The following ARL6IP6 variants were observed in gnomAD, a reference collection of about 807,000 sequenced individuals.
ARL6IP6 encodes ARF like GTPase 6 interacting protein 6.
A neutral mutation model predicts 21.5 loss-of-function variants in ARL6IP6; 22 were observed. That is an observed-to-expected ratio of 1.02 (90% CI 0.73 to 1.46). ARL6IP6 has a LOEUF of 1.46. ARL6IP6 is among the 40% of genes most tolerant of loss of function. ARL6IP6 has a pLI of 0.00. For missense variants in ARL6IP6, 388 were observed against 299.8 expected (o/e 1.29, Z -2.17); for synonymous variants, 164 against 125.3 (o/e 1.31, Z -2.06).
At chr2:152,734,527 G>A (rs1169689514) in intron 2 of ARL6IP6, among the ~76,000 whole-genome samples, 1 of 152,226 alleles carries the variant, frequency 6.6e-6, no homozygotes, top group South Asian at 2.1e-4. Context: ...GTTTCACTCT[G>A]TCTCCCAGGC....
intron 1 of ARL6IP6, chr2:152,720,255 G>A: frequency 2.2e-6 from 1 of 459,340 alleles, no homozygotes; most frequent in Non-Finnish European, 4.0e-6. Context: ...GAAAGGAACT[G>A]AACTCCACCT....
At chr2:152,750,916 A>G (rs773558775) in intron 3 of ARL6IP6, among the ~76,000 whole-genome samples, 30 of 152,258 alleles carry the variant, frequency 2.0e-4, no homozygotes, top group Admixed American at 4.6e-4. Context: ...TATGCAAATA[A>G]TAATTGTAGT....
At chr2:152,728,733 TAAGA>T (rs748948077) in intron 2 of ARL6IP6, among the ~76,000 whole-genome samples, 2 of 152,160 alleles carry the variant, frequency 1.3e-5, no homozygotes, top group Non-Finnish European at 2.9e-5. Context: ...AAAACAGTCT[TAAGA>T]GGTTTCAATT....
chr2:152,741,305 A>G lies in ARL6IP6; in HGVS notation c.587+6179A>G, dbSNP rs191928771. Among the ~76,000 whole-genome samples the G allele has an allele frequency of 2.0e-4, 31 of 152,120 alleles. No individual in the cohort carries two copies. In the East Asian group the frequency reaches 5.0e-3, roughly 25 times the overall value. On this transcript the variant is annotated intron_variant, in intron 3 of 3. Coordinates refer to ENST00000326446, the MANE Select transcript of ARL6IP6 (RefSeq NM_152522.7). The stretch of plus-strand genomic sequence containing the variant: ...AAAATTGAAATTGGGATCACAATGT[A>G]TATACTTTTTTGTAAGAGAGTAAAA...
chr2:152,729,783 G>A (rs1700215900), intron 2 of ARL6IP6, among the ~76,000 whole-genome samples: 3 of 152,154 alleles, frequency 2.0e-5, no homozygotes, highest in African/African-American at 7.2e-5. Flanking sequence ...TTGGAAAGAT[G>A]CACACCAGAC....
At chr2:152,751,859 A>G (rs1701348619) in intron 3 of ARL6IP6, among the ~76,000 whole-genome samples, 1 of 152,188 alleles carries the variant, frequency 6.6e-6, no homozygotes, top group Non-Finnish European at 1.5e-5. Flanking sequence ...TCTCTTGAAT[A>G]TACTGATTGT....
intron 2 of ARL6IP6, chr2:152,732,509 C>CT (rs745909201): frequency 4.3e-3 from 1,701 of 399,802 alleles, no homozygotes; most frequent in South Asian, 5.7e-3. Flanking sequence ...GATTGCTGGT[C>CT]TTTTTTTTTA....
Position 152,730,537 on chromosome 2 carries a change from AT to A in ARL6IP6, c.455-4445del, listed in dbSNP as rs929831617. Among the ~76,000 whole-genome samples, 196 of 147,236 alleles carry A rather than the reference AT, an allele frequency of 1.3e-3. 1 individual carries two copies. Among genetic ancestry groups the A allele is most frequent in the African/African-American group, 4.1e-3 (164 of 40,326 alleles). ...TTGTAGTTGTAGACTAAATCTTATAATTTTTTTTTTTTACCCTCTATCCTGA... is the reference window on the plus strand; with the variant it reads ...TTGTAGTTGTAGACTAAATCTTATAATTTTTTTTTTTACCCTCTATCCTGA... On this transcript the variant is annotated intron_variant, in intron 2 of 3. Coordinates refer to ENST00000326446, the MANE Select transcript of ARL6IP6 (RefSeq NM_152522.7).
At chr2:152,732,711 C>A (rs988772855) in intron 2 of ARL6IP6, 4 of 272,528 alleles carry the variant, frequency 1.5e-5, no homozygotes, top group South Asian at 1.4e-4. Flanking sequence ...CCAGGACCCC[C>A]TCTGGATACC....
chr2:152,720,731 T>C, intron 2 of ARL6IP6, 145 bp downstream of exon 2: 1 of 733,986 alleles, frequency 1.4e-6, no homozygotes, highest in South Asian at 1.9e-5. Flanking sequence ...ATGTTGGTGA[T>C]AAATGTTATT....
rs1488342823 is a variant in ARL6IP6, at chr2:152,760,288, G to A, written c.*448G>A. 1 of 152,628 alleles carries A rather than the reference G, an allele frequency of 6.6e-6. No individual in the cohort carries two copies. Among genetic ancestry groups the A allele is most frequent in the African/African-American group, 2.4e-5 (1 of 41,374 alleles). 9.5% of individuals were successfully genotyped at this position (152,628 alleles called of 1,614,324 possible). On this transcript the variant is annotated 3_prime_UTR_variant, in exon 4 of 4. Transcript: ENST00000326446. ...TTATACATTTAGGAAAGCAAATAAT[G>A]CCTACTACTCCGACTTTTATAGAAG... is the stretch of plus-strand genomic sequence containing the variant.
intron 2 of ARL6IP6, among the ~76,000 whole-genome samples, chr2:152,730,841 C>T (rs1045156336): frequency 1.3e-5 from 2 of 152,180 alleles, no homozygotes; most frequent in African/African-American, 4.8e-5. Context: ...AGATACTGTA[C>T]ACAGCTATAC....
chr2:152,722,312 A>G (rs758739015), intron 2 of ARL6IP6, among the ~76,000 whole-genome samples: 6 of 152,242 alleles, frequency 3.9e-5, no homozygotes, highest in Middle Eastern at 3.2e-3. Context: ...AGAGTCAGGA[A>G]TGAGCAGAAA....
intron 3 of ARL6IP6, among the ~76,000 whole-genome samples, chr2:152,755,264 A>T (rs1701528158): frequency 6.6e-6 from 1 of 152,154 alleles, no homozygotes; most frequent in Non-Finnish European, 1.5e-5. Flanking sequence ...CGTCAATGCC[A>T]AGGGAAAACA....
At chr2:152,730,425 A>G (rs1484368617) in intron 2 of ARL6IP6, among the ~76,000 whole-genome samples, 1 of 152,170 alleles carries the variant, frequency 6.6e-6, no homozygotes, top group Non-Finnish European at 1.5e-5. Context: ...CTTTGAGTAA[A>G]CTTGTCAATT....
chr2:152,727,887 T>C (rs1435465723), intron 2 of ARL6IP6, among the ~76,000 whole-genome samples: 2 of 152,120 alleles, frequency 1.3e-5, no homozygotes, highest in East Asian at 3.8e-4. Context: ...CAGTGTATGA[T>C]TGTATTGTAT....
chr2:152,746,924 C>CA (rs1295161846), intron 3 of ARL6IP6, among the ~76,000 whole-genome samples: 1 of 142,220 alleles, frequency 7.0e-6, no homozygotes, highest in African/African-American at 2.6e-5. Flanking sequence ...TGCCTGGGCT[C>CA]AAACAACCCT....
chr2:152,732,613 A>C, intron 2 of ARL6IP6: 1 of 430,894 alleles, frequency 2.3e-6, no homozygotes. Context: ...TTGTCATTCA[A>C]TTTGACATTT....
intron 3 of ARL6IP6, among the ~76,000 whole-genome samples, chr2:152,758,878 G>A (rs1452179636): frequency 6.6e-6 from 1 of 152,062 alleles, no homozygotes; most frequent in Non-Finnish European, 1.5e-5. Context: ...CTCAGTCCAG[G>A]GCCCTTACTG....
Sources: gnomAD v4.1 joint callset for allele counts (sites outside exome capture counted in the v4.1 genomes callset) on GRCh38, gnomAD v4.1.1 for gene constraint, MANE v1.5 for transcripts, NCBI Gene and HGNC (gene_info 2026-07-23, HGNC 2026-07-21) for gene names.